Variants in TTC34 observed in about 807,000 individuals in gnomAD.
TTC34 encodes the protein tetratricopeptide repeat domain 34.
A neutral mutation model predicts 40.7 loss-of-function variants in TTC34; 44 were observed. The observed-to-expected ratio is 1.08, with a 90% CI of 0.85 to 1.39. The LOEUF is 1.39. TTC34 is among the 40% of genes most tolerant of loss of function. The pLI, the probability that TTC34 is intolerant of heterozygous loss-of-function variation, is 0.00. For synonymous variants in TTC34, 422 were observed against 398.6 expected, an observed-to-expected ratio of 1.06 and a Z score of -0.70; for missense variants, 884 against 838.0, an observed-to-expected ratio of 1.05 and a Z score of -0.68.
intron 6 of TTC34, among the ~76,000 whole-genome samples, chr1:2,755,696 C>T (rs1261488157): frequency 4.9e-5 from 3 of 60,996 alleles, no homozygotes; most frequent in Admixed American, 3.2e-4. Context: ...TGGAGCAGCA[C>T]CCCAAACCCA....
chr1:2,646,550 C>T (rs764100203), intron 6 of TTC34, among the ~76,000 whole-genome samples: 1 of 152,066 alleles, frequency 6.6e-6, no homozygotes, highest in Non-Finnish European at 1.5e-5. Context: ...ACACCCAGCT[C>T]ATTTTAAAAT....
At chr1:2,780,538 G>C (rs538954585) in intron 6 of TTC34, among the ~76,000 whole-genome samples, 19 of 152,264 alleles carry the variant, frequency 1.2e-4, no homozygotes, top group African/African-American at 4.6e-4. Flanking sequence ...CTTCCCCATT[G>C]AATGGTCTTG....
chr1:2,645,263 C>G lies in TTC34; in HGVS notation c.2497+30G>C. ...GGAGCGGGGACAGAAGCCCAGACCC[C>G]GTGTTTCCCACCTTGGGGCCGCCGC... is the stretch of plus-strand genomic sequence containing the variant. On this transcript the variant is annotated intron_variant, in intron 7 of 8. Transcript: ENST00000401095. The surrounding 1 kb of genome is among the most constrained non-coding windows in gnomAD (Gnocchi z 4.7). 6.9e-7 allele frequency: 1 copy of G among 1,440,064 alleles called. No individual in the cohort carries two copies. Among genetic ancestry groups the G allele is most frequent in the Non-Finnish European group, 9.1e-7 (1 of 1,098,664 alleles). 89.2% of individuals were successfully genotyped at this position (1,440,064 alleles called of 1,614,324 possible). A position where few individuals can be genotyped will look rare whatever the true frequency, so the allele number is the denominator to read the frequency against.
chr1:2,684,396 C>G (rs55827558), intron 6 of TTC34, among the ~76,000 whole-genome samples: 14 of 134,472 alleles, frequency 1.0e-4, no homozygotes, highest in Non-Finnish European at 1.3e-4. Flanking sequence ...GAATCCACAC[C>G]CCCAGGTGAG....
exon 9 of TTC34, chr1:2,637,033 A>T (rs1283660266): frequency 6.6e-6 from 1 of 152,238 alleles, no homozygotes; most frequent in East Asian, 1.9e-4. Flanking sequence ...AACAGCTCTC[A>T]GCAGAGAGGG....
At position 2,688,574 on chromosome 1, in the gene TTC34, C is replaced by A. The variant is rs1640480339; in HGVS notation, c.2227-43011G>T. Reference sequence around the variant, plus strand: ...ACCCACGGAGCAGCACCCACACCTTCCGGCGCGCATCCGACAGCCTGGAGC... The same window carrying A: ...ACCCACGGAGCAGCACCCACACCTTACGGCGCGCATCCGACAGCCTGGAGC... On this transcript the variant is annotated intron_variant, in intron 6 of 8. Transcript: ENST00000401095. Among the ~76,000 whole-genome samples, 2 of 142,118 alleles carry A rather than the reference C, an allele frequency of 1.4e-5. 1 individual carries two copies. The highest frequency in any genetic ancestry group is 5.8e-5 in the African/African-American group (2 of 34,576). 93.2% of individuals were successfully genotyped at this position (142,118 alleles called of 152,430 possible).
chr1:2,694,559 G>T (rs371982089), intron 6 of TTC34, among the ~76,000 whole-genome samples: 2 of 94,710 alleles, frequency 2.1e-5, no homozygotes, highest in South Asian at 3.8e-4. Flanking sequence ...ACCCACAGGT[G>T]AGCATCTGAC....
chr1:2,695,142 C>T (rs1302978749), intron 6 of TTC34, among the ~76,000 whole-genome samples: 43 of 36,078 alleles, frequency 1.2e-3, no homozygotes, highest in Non-Finnish European at 1.5e-3. Context: ...CAGCGTGGAA[C>T]AGCACCCTGC....
chr1:2,681,588 A>C lies in TTC34; in HGVS notation c.2227-36025T>G, dbSNP rs1269680855. 3.9e-4 allele frequency among the ~76,000 whole-genome samples: 16 copies of C among 40,794 alleles called. 1 individual carries two copies. The highest frequency in any genetic ancestry group is 2.7e-3 in the South Asian group (3 of 1,106). 26.8% of individuals were successfully genotyped at this position (40,794 alleles called of 152,430 possible). A position where few individuals can be genotyped will look rare whatever the true frequency, so the allele number is the denominator to read the frequency against. On this transcript the variant is annotated intron_variant, in intron 6 of 8. Transcript: ENST00000401095. ...ATGGTCTGGAGCAGCATCCACACCCACAGGTGAGCATCAGACAGCCTGGAA... is the reference window on the plus strand; with the variant it reads ...ATGGTCTGGAGCAGCATCCACACCCCCAGGTGAGCATCAGACAGCCTGGAA...
At chr1:2,749,596 A>G (rs1641252375) in intron 6 of TTC34, among the ~76,000 whole-genome samples, 1 of 107,164 alleles carries the variant, frequency 9.3e-6, no homozygotes, top group Non-Finnish European at 1.8e-5. Flanking sequence ...CTGGAGCAGC[A>G]CCCACACCCC....
At chr1:2,693,829 A>C (rs1160131481) in intron 6 of TTC34, among the ~76,000 whole-genome samples, 1,019 of 63,138 alleles carry the variant, frequency 0.016, no homozygotes, top group Middle Eastern at 0.036. Flanking sequence ...ACCCACACCC[A>C]CAGGTGAGCA....
At chr1:2,685,077 A>T (rs1444408794) in intron 6 of TTC34, among the ~76,000 whole-genome samples, 2 of 133,690 alleles carry the variant, frequency 1.5e-5, no homozygotes, top group East Asian at 2.3e-4. Context: ...AGCAGCCTGC[A>T]CCCCCAGGTG....
At chr1:2,767,980 G>A (rs1283173878) in intron 6 of TTC34, among the ~76,000 whole-genome samples, 2 of 150,394 alleles carry the variant, frequency 1.3e-5, no homozygotes, top group Non-Finnish European at 3.0e-5. Context: ...CACAGGTGAT[G>A]TGACTGCGTG....
chr1:2,644,665 C>T (rs1290943686), intron 7 of TTC34, among the ~76,000 whole-genome samples, 187 bp from the exon 8 acceptor site: 3 of 152,192 alleles, frequency 2.0e-5, no homozygotes, highest in Admixed American at 6.5e-5. Context: ...AGGGACTCAC[C>T]TCTGACCCCA....
chr1:2,752,512 G>T (rs1641356572), intron 6 of TTC34, among the ~76,000 whole-genome samples: 5 of 141,154 alleles, frequency 3.5e-5, no homozygotes, highest in African/African-American at 1.1e-4. Flanking sequence ...GCATCTGACA[G>T]CCTGGAGCAG....
rs1638992584 is a variant in TTC34 at position 2,645,093 on chromosome 1, A to G, written c.2497+200T>C. Among the ~76,000 whole-genome samples the G allele has an allele frequency of 1.3e-5, 2 of 152,166 alleles. No homozygotes were observed. Among genetic ancestry groups the G allele is most frequent in the African/African-American group, 4.8e-5 (2 of 41,440 alleles). On this transcript the variant is annotated intron_variant, in intron 7 of 8. Transcript: ENST00000401095. The surrounding 1 kb of genome is among the most constrained non-coding windows in gnomAD (Gnocchi z 4.7). ...TTGCAAGCAAAGAGCCACCCGGGTA[A>G]AGCAGAGGAGAGCCTTTTGAACGCC...
chr1:2,686,299 A>G (rs1265325400), intron 6 of TTC34, among the ~76,000 whole-genome samples: 1 of 111,632 alleles, frequency 9.0e-6, no homozygotes, highest in Non-Finnish European at 1.8e-5. Flanking sequence ...GAGCATCTGA[A>G]CGCACGGAGC....
intron 6 of TTC34, among the ~76,000 whole-genome samples, chr1:2,682,439 G>A (rs1640124146): frequency 3.2e-5 from 2 of 61,980 alleles, no homozygotes; most frequent in African/African-American, 1.0e-4. Context: ...CCCCAGGTGA[G>A]CATCTGATGA....
At position 2,785,753 on chromosome 1, in the gene TTC34, G is replaced by A; in HGVS notation, c.2059+66C>T. 2.0e-6 allele frequency: 3 copies of A among 1,472,948 alleles called. No individual in the cohort carries two copies. In the Admixed American group the frequency reaches 7.0e-5, roughly 35 times the overall value. 91.2% of individuals were successfully genotyped at this position (1,472,948 alleles called of 1,614,324 possible). Reference sequence around the variant, plus strand: ...CGTGTCCCCACCAACCAGCATGGCAGAGACTCCCCATGTCCCCTGTGCCTG... The same window carrying A: ...CGTGTCCCCACCAACCAGCATGGCAAAGACTCCCCATGTCCCCTGTGCCTG... On this transcript the variant is annotated intron_variant, in intron 5 of 8. Coordinates refer to ENST00000401095, the Ensembl canonical transcript of TTC34.
Sources: gnomAD v4.1 joint callset for allele counts (sites outside exome capture counted in the v4.1 genomes callset) on GRCh38, gnomAD v4.1.1 for gene constraint, Gnocchi (gnomAD v3.1) non-coding constraint, MANE v1.5 for transcripts, NCBI Gene and HGNC (gene_info 2026-07-23, HGNC 2026-07-21) for gene names.